Variants in IFIH1 observed in about 807,000 individuals in gnomAD.
The protein encoded by IFIH1 is interferon-induced helicase C domain-containing protein 1.
A neutral mutation model predicts 107.4 loss-of-function variants in IFIH1; 125 were observed. That is an observed-to-expected ratio of 1.16 (90% CI 1.01 to 1.35). The LOEUF is 1.35. Among genes scored for constraint, IFIH1 ranks in the 40% most tolerant of loss-of-function variants. The pLI is 0.00. For synonymous variants in IFIH1, 458 were observed against 413.2 expected (o/e 1.11, Z -1.31); for missense variants, 1,333 against 1,213.7 (o/e 1.10, Z -1.46).
chr2:162,314,546 G>A (rs974546947), intron 1 of IFIH1, among the ~76,000 whole-genome samples: 4 of 146,812 alleles, frequency 2.7e-5, no homozygotes, highest in African/African-American at 9.9e-5. Context: ...GGAGTGCAGT[G>A]GCGCCATCTC....
intron 6 of IFIH1, 67 bp from the exon 7 acceptor site, chr2:162,281,612 A>T: frequency 8.3e-7 from 1 of 1,205,896 alleles, no homozygotes; most frequent in Non-Finnish European, 1.2e-6. Context: ...ATAGCTTTAG[A>T]CCAGTAATTG....
intron 10 of IFIH1, 46 bp downstream of exon 10, chr2:162,277,369 G>A: frequency 7.3e-7 from 1 of 1,365,008 alleles, no homozygotes; most frequent in Non-Finnish European, 1.0e-6. Context: ...AGTTCATGTT[G>A]AAAAGGTAAA....
intron 8 of IFIH1, among the ~76,000 whole-genome samples, chr2:162,279,051 T>A (rs912816118): frequency 2.6e-5 from 4 of 152,092 alleles, no homozygotes; most frequent in Admixed American, 2.6e-4. Flanking sequence ...AAAGTAAGTT[T>A]AAAAAATGGC....
chr2:162,277,016 C>T (rs1464740630), intron 10 of IFIH1, 70 bp from the exon 11 acceptor site: 1 of 1,138,370 alleles, frequency 8.8e-7, no homozygotes, highest in Admixed American at 2.6e-5. Context: ...ACAGATATAT[C>T]AAACATTTTG....
At chr2:162,293,780 G>T in intron 3 of IFIH1, 112 bp from the exon 4 acceptor site, 2 of 595,938 alleles carry the variant, frequency 3.4e-6, no homozygotes, top group Non-Finnish European at 5.7e-6. Context: ...AGTGGGGAAG[G>T]CACACCCAGA....
At chr2:162,304,001 T>C (rs536954679) in intron 3 of IFIH1, among the ~76,000 whole-genome samples, 1 of 152,202 alleles carries the variant, frequency 6.6e-6, no homozygotes, top group South Asian at 2.1e-4. Context: ...ACATGAAAAC[T>C]CCACACTCAG....
chr2:162,305,669 T>A (rs1366842064), intron 3 of IFIH1, among the ~76,000 whole-genome samples: 1 of 152,244 alleles, frequency 6.6e-6, no homozygotes, highest in Non-Finnish European at 1.5e-5. Flanking sequence ...TCACAGGAGC[T>A]AACTGGTAAC....
Position 162,283,290 on chromosome 2 carries a change from A to G in IFIH1, c.1096-714T>C, listed in dbSNP as rs1474664862. Among the ~76,000 whole-genome samples the G allele has an allele frequency of 2.0e-5, 3 of 151,974 alleles. No individual in the cohort carries two copies. The East Asian group carries it at 5.8e-4, about 30-fold the overall frequency. On this transcript the variant is annotated intron_variant, in intron 5 of 15. Transcript: ENST00000649979. Reference sequence around the variant, plus strand: ...AAGTGAAGAAATGAGCTGCTGGAATAGCTGTGGTGGCTGAGAAAGAACAAA... The same window carrying G: ...AAGTGAAGAAATGAGCTGCTGGAATGGCTGTGGTGGCTGAGAAAGAACAAA...
At chr2:162,287,766 T>C (rs1408958792) in intron 5 of IFIH1, among the ~76,000 whole-genome samples, 1 of 151,916 alleles carries the variant, frequency 6.6e-6, no homozygotes, top group Non-Finnish European at 1.5e-5. Flanking sequence ...TTTGGGGTCA[T>C]TCATATTCAT....
chr2:162,311,149 T>C (rs1683379410), intron 1 of IFIH1, among the ~76,000 whole-genome samples: 1 of 152,090 alleles, frequency 6.6e-6, no homozygotes, highest in African/African-American at 2.4e-5. Context: ...AACAAAAATC[T>C]CTGGACCAAG....
chr2:162,314,277 T>C (rs1683431040), intron 1 of IFIH1, among the ~76,000 whole-genome samples: 1 of 152,066 alleles, frequency 6.6e-6, no homozygotes, highest in Admixed American at 6.5e-5. Context: ...ATTGATAAAA[T>C]GGCATATATT....
intron 11 of IFIH1, among the ~76,000 whole-genome samples, chr2:162,275,633 A>G (rs1473159319): frequency 6.6e-6 from 1 of 152,222 alleles, no homozygotes; most frequent in Non-Finnish European, 1.5e-5. Context: ...AAACACTGAA[A>G]CAGAATTAAT....
intron 3 of IFIH1, among the ~76,000 whole-genome samples, chr2:162,294,207 T>C (rs1471931412): frequency 3.3e-5 from 5 of 151,910 alleles, no homozygotes; most frequent in East Asian, 1.9e-4. Flanking sequence ...GGCATCACAG[T>C]TGTACTAGAA....
rs1168844368 is a variant in IFIH1 at position 162,318,066 on chromosome 2, T to G, written c.242A>C (p.Glu81Ala). 4.5e-5 allele frequency: 72 copies of G among 1,614,140 alleles called. No individual in the cohort carries two copies. Among genetic ancestry groups the G allele is most frequent in the Non-Finnish European group, 5.8e-5 (68 of 1,180,012 alleles). ...AGGGCTGCCGGTTCTCCGGAGGGCC[T>G]CCACGAATTCCCGAGTCCAACCAAG... ...WHLGWTREFV[E>A]ALRRTGSPLA... The change falls in exon 1 of 16, where the codon GAG becomes GCG. Residue 81 changes from glutamate (E) to alanine (A), a missense_variant. Coordinates refer to ENST00000649979, the MANE Select transcript of IFIH1 (RefSeq NM_022168.4).
At chr2:162,270,742 C>A (rs1191887330) in intron 13 of IFIH1, among the ~76,000 whole-genome samples, 2 of 152,128 alleles carry the variant, frequency 1.3e-5, no homozygotes, top group Non-Finnish European at 2.9e-5. Context: ...GATTAATTCT[C>A]TTAGGACATT....
At chr2:162,279,413 A>G (rs1384624979) in intron 8 of IFIH1, among the ~76,000 whole-genome samples, 1 of 152,110 alleles carries the variant, frequency 6.6e-6, no homozygotes, top group African/African-American at 2.4e-5. Context: ...TTTACAAAAT[A>G]AAGTATTGAC....
intron 1 of IFIH1, among the ~76,000 whole-genome samples, chr2:162,312,610 T>G (rs1683400978): frequency 1.3e-5 from 2 of 152,208 alleles, no homozygotes; most frequent in African/African-American, 2.4e-5. Flanking sequence ...ACTCAGTAAA[T>G]TTCAAGTGAA....
chr2:162,279,106 C>A (rs1280298561), intron 8 of IFIH1, among the ~76,000 whole-genome samples: 1 of 151,926 alleles, frequency 6.6e-6, no homozygotes, highest in Admixed American at 6.6e-5. Context: ...TTTTAAAAAT[C>A]TTTATGAGTA....
chr2:162,303,668 A>G, intron 3 of IFIH1, among the ~76,000 whole-genome samples: 1 of 149,510 alleles, frequency 6.7e-6, no homozygotes, highest in South Asian at 2.1e-4. Context: ...GAGGAAAAAA[A>G]AAAATAAAAA....
Sources: gnomAD v4.1 joint callset for allele counts (sites outside exome capture counted in the v4.1 genomes callset) on GRCh38, gnomAD v4.1.1 for gene constraint, MANE v1.5 for transcripts, NCBI Gene and HGNC (gene_info 2026-07-23, HGNC 2026-07-21) for gene names.